The following GK variants were observed in gnomAD, a reference collection of about 807,000 sequenced individuals.
GK encodes the protein glycerol kinase, also known as ATP:glycerol 3-phosphotransferase.
Under a neutral mutation model 56.4 loss-of-function variants are expected in GK, and 9 were observed. The ratio of observed to expected loss-of-function variants is 0.16; its 90% confidence interval spans 0.10 to 0.28. The LOEUF (loss-of-function observed/expected upper bound fraction) is 0.28. Ranked by LOEUF, GK falls within the 10% of genes least tolerant of loss-of-function variation. The pLI is 1.00. For missense variants in GK, 161 were observed against 431.4 expected (o/e 0.37, Z 5.55); for synonymous variants, 104 against 144.1 (o/e 0.72, Z 1.99).
Position 30,729,929 on chromosome X carries a change from A to G in GK, c.*1187A>G, listed in dbSNP as rs1937286249. 8.9e-6 allele frequency: 1 copy of G among 112,414 alleles called. No homozygotes were observed. The allele number at this position is 112,414 out of a possible 1,213,427, so 9.3% of individuals were successfully genotyped here. A position where few individuals can be genotyped will look rare whatever the true frequency, so the allele number is the denominator to read the frequency against. ...TAAATACCTAAGTAGAAAAAAATAT[A>G]GAAATAAAGCCAAGAATCTCTTTCA... is the stretch of plus-strand genomic sequence containing the variant. On this transcript the variant is annotated 3_prime_UTR_variant, in exon 21 of 21. Coordinates refer to ENST00000427190, the MANE Select transcript of GK (RefSeq NM_001205019.2).
At chrX:30,708,221 A>T in intron 13 of GK, 87 bp downstream of exon 13, 1 of 532,488 alleles carries the variant, frequency 1.9e-6, no homozygotes, top group Non-Finnish European at 3.2e-6. Flanking sequence ...TTTCTGGTAA[A>T]TCTTAATACA....
At chrX:30,693,812 G>A (rs1473497163) in intron 5 of GK, among the ~76,000 whole-genome samples, 1 of 111,654 alleles carries the variant, frequency 9.0e-6, no homozygotes, top group African/African-American at 3.3e-5. Context: ...GCCTCCCAAA[G>A]TGTTGGGATT....
intron 1 of GK, among the ~76,000 whole-genome samples, chrX:30,662,871 CTT>C (rs1932827945): frequency 6.8e-5 from 1 of 14,599 alleles, no homozygotes; most frequent in Non-Finnish European, 1.2e-4. Context: ...CTTTCTTTCT[CTT>C]TCTTTCTTTC....
chrX:30,726,582 C>A (rs1024480075), intron 19 of GK, among the ~76,000 whole-genome samples: 1 of 111,528 alleles, frequency 9.0e-6, no homozygotes, highest in Admixed American at 9.6e-5. Flanking sequence ...CCACTGCACC[C>A]GGCCTGAAAA....
chrX:30,674,548 T>A, intron 3 of GK: 2 of 219,142 alleles, frequency 9.1e-6, no homozygotes, highest in South Asian at 1.2e-4. Flanking sequence ...CTCATTCTCC[T>A]TTCTCTTCTT....
rs73452162 is a variant in GK at position 30,730,221 on chromosome X, T to G, written c.*1479T>G. 2 of 112,098 alleles carry G rather than the reference T, an allele frequency of 1.8e-5. No individual in the cohort carries two copies. Among genetic ancestry groups the G allele is most frequent in the African/African-American group, 6.5e-5 (2 of 30,867 alleles). The allele number at this position is 112,098 out of a possible 1,213,427, so 9.2% of individuals were successfully genotyped here. On this transcript the variant is annotated 3_prime_UTR_variant, in exon 21 of 21. Transcript: ENST00000427190. ...ATTGCCTCCTAATTATTTTTTTCAA[T>G]GAGTGCTGAATGGGAAAACATTTAT...
intron 4 of GK, chrX:30,689,666 A>G (rs774145293): frequency 1.0e-5 from 3 of 300,107 alleles, no homozygotes; most frequent in African/African-American, 8.1e-5. Flanking sequence ...ACTGAGCACA[A>G]ATCTCTTTGA....
chrX:30,705,905 G>A (rs1399050404), intron 11 of GK, among the ~76,000 whole-genome samples: 3 of 111,880 alleles, frequency 2.7e-5, no homozygotes, highest in African/African-American at 9.7e-5. Flanking sequence ...GCACTAAGAC[G>A]CGTACGCTAC....
chrX:30,721,961 G>T (rs951897319), intron 18 of GK: 17 of 112,285 alleles, frequency 1.5e-4, no homozygotes, highest in Non-Finnish European at 3.0e-4. Context: ...AATAGCATCA[G>T]CTGGGAATGG....
At chrX:30,723,568 T>A (rs927490639) in intron 18 of GK, 1 of 132,963 alleles carries the variant, frequency 7.5e-6, no homozygotes, top group African/African-American at 3.2e-5. Context: ...AGGCAGTCTG[T>A]CTGCCAATCT....
Position 30,653,520 on chromosome X carries a change from C to T in GK, c.-18C>T, listed in dbSNP as rs370271242. The T allele has an allele frequency of 1.7e-6, 2 of 1,206,254 alleles. No individual in the cohort carries two copies. On this transcript the variant is annotated 5_prime_UTR_variant, in exon 1 of 21. Coordinates refer to ENST00000427190, the MANE Select transcript of GK (RefSeq NM_001205019.2). ...CAGGAAACCGGCCGCAATCGCCGGC[C>T]GACCTGAAGCTGGTTTCATGGCAGC...
intron 4 of GK, chrX:30,689,340 A>G (rs1245028526): frequency 7.4e-6 from 2 of 268,883 alleles, no homozygotes; most frequent in Admixed American, 4.1e-5. Context: ...TTCCCTGGGC[A>G]TGGGAGATCT....
intron 3 of GK, among the ~76,000 whole-genome samples, chrX:30,670,378 G>T (rs1182646095): frequency 1.8e-5 from 2 of 111,387 alleles, no homozygotes; most frequent in Non-Finnish European, 3.8e-5. Context: ...TTACGGTTAT[G>T]TGAAGATGAC....
chrX:30,686,851 G>A (rs1934643416), intron 4 of GK, among the ~76,000 whole-genome samples: 2 of 111,300 alleles, frequency 1.8e-5, no homozygotes, highest in South Asian at 7.5e-4. Flanking sequence ...ATTTACTTCT[G>A]CTTTACTTGG....
chrX:30,700,701 G>A, intron 10 of GK, 137 bp from the exon 11 acceptor site: 1 of 536,938 alleles, frequency 1.9e-6, no homozygotes, highest in Non-Finnish European at 3.2e-6. Flanking sequence ...GGGGAAAATG[G>A]CCAAATGGAG....
At chrX:30,668,378 G>T (rs1045642543) in intron 3 of GK, among the ~76,000 whole-genome samples, 1 of 112,362 alleles carries the variant, frequency 8.9e-6, no homozygotes, top group Non-Finnish European at 1.9e-5. Flanking sequence ...CAAGTGGTAT[G>T]GTGGGTTTTG....
At chrX:30,677,824 CA>C (rs11400828) in intron 4 of GK, among the ~76,000 whole-genome samples, 12 of 78,207 alleles carry the variant, frequency 1.5e-4, no homozygotes, top group Non-Finnish European at 2.4e-4. Flanking sequence ...GACTCCATCT[CA>C]AAAAAAAAAA....
intron 3 of GK, among the ~76,000 whole-genome samples, chrX:30,671,007 G>T (rs1282011286): frequency 9.3e-6 from 1 of 107,043 alleles, no homozygotes; most frequent in Non-Finnish European, 1.9e-5. Context: ...AACAAAAAAG[G>T]CTGGGCGCAC....
Position 30,707,554 on chromosome X carries a change from A to G in GK, c.852-2A>G. 1 of 1,088,588 alleles carries G rather than the reference A, an allele frequency of 9.2e-7. No homozygotes were observed. 89.7% of individuals were successfully genotyped at this position (1,088,588 alleles called of 1,213,427 possible). Reference sequence around the variant, plus strand: ...TACTATTCATTCTCCCTTCAACCATAGGTATGGAACAGGATGTTTCTTACT... The same window carrying G: ...TACTATTCATTCTCCCTTCAACCATGGGTATGGAACAGGATGTTTCTTACT... On this transcript the variant is annotated splice_acceptor_variant, in intron 11 of 20. Coordinates refer to ENST00000427190, the MANE Select transcript of GK (RefSeq NM_001205019.2). LOFTEE classifies it high-confidence loss of function.
Sources: gnomAD v4.1 joint callset for allele counts (sites outside exome capture counted in the v4.1 genomes callset) on GRCh38, gnomAD v4.1.1 for gene constraint, MANE v1.5 for transcripts, NCBI Gene and HGNC (gene_info 2026-07-23, HGNC 2026-07-21) for gene names.